The following DERL1 variants were observed in gnomAD, a reference collection of about 807,000 sequenced individuals.
DERL1 encodes the protein derlin 1.
DERL1 carries 24 observed loss-of-function variants against 41.6 expected under a neutral mutation model. The observed-to-expected ratio is 0.58, with a 90% CI of 0.42 to 0.81. The LOEUF (loss-of-function observed/expected upper bound fraction) is 0.81, where lower values mean the gene tolerates loss of function less well. Ranked by LOEUF, DERL1 falls within the 30% of genes least tolerant of loss-of-function variation. DERL1 has a pLI of 0.00. For missense variants in DERL1, 260 were observed against 314.3 expected (o/e 0.83, Z 1.31); for synonymous variants, 124 against 112.5 (o/e 1.10, Z -0.65).
rs146414335 is a variant in DERL1 at position 123,021,492 on chromosome 8, T to C, written c.461A>G (p.Tyr154Cys). Residue 154 changes from tyrosine to cysteine, a missense_variant, in exon 6 of 8, where the codon TAT (tyrosine) becomes TGT (cysteine). Tyr to Cys is a radical substitution (Grantham distance 194). Coordinates refer to ENST00000259512, the MANE Select transcript of DERL1 (RefSeq NM_024295.6). ...GAATCCAAGGATAACCCAGGGTAAA[T>C]AGCAGGCCTAGGATGGAATGAATAT... Reference protein sequence around the residue: ...FWFGTRFKACYLPWVILGFNY... With the variant: ...FWFGTRFKACCLPWVILGFNY... 4.1e-4 allele frequency: 668 copies of C among 1,613,560 alleles called. No homozygotes were observed. Among genetic ancestry groups the C allele is most frequent in the Non-Finnish European group, 5.4e-4 (637 of 1,179,678 alleles).
intron 2 of DERL1, among the ~76,000 whole-genome samples, chr8:123,028,422 G>A (rs1440630494): frequency 6.6e-6 from 1 of 152,212 alleles, no homozygotes; most frequent in Non-Finnish European, 1.5e-5. Flanking sequence ...TACACGGAAA[G>A]TAGATTAGTG....
At chr8:123,022,144 C>A (rs183101026) in intron 5 of DERL1, among the ~76,000 whole-genome samples, 3 of 152,242 alleles carry the variant, frequency 2.0e-5, no homozygotes, top group African/African-American at 7.2e-5. Context: ...TAAAGAGAAA[C>A]ACAAAGTATT....
chr8:123,042,023 T>C lies in DERL1; in HGVS notation c.100A>G (p.Ile34Val), dbSNP rs765222212. Reference sequence around the variant, plus strand: ...CAGAGGAAGAGGTAGGCCGGGCTGATGAGGCCGAGTTTGCCGACCAAGGGC... The same window carrying C: ...CAGAGGAAGAGGTAGGCCGGGCTGACGAGGCCGAGTTTGCCGACCAAGGGC... ...AVPLVGKLGL[I>V]SPAYLFLWPE... The change falls in exon 1 of 8, where the codon ATC (isoleucine) becomes GTC (valine). Residue 34 changes from isoleucine to valine, a missense_variant. Coordinates refer to ENST00000259512, the MANE Select transcript of DERL1 (RefSeq NM_024295.6). 5.0e-6 allele frequency: 8 copies of C among 1,613,912 alleles called. No homozygotes were observed. In the Admixed American group the frequency reaches 8.3e-5, roughly 17 times the overall value.
chr8:123,019,423 T>A, intron 6 of DERL1, 118 bp from the exon 7 acceptor site: 1 of 688,450 alleles, frequency 1.5e-6, no homozygotes, highest in Non-Finnish European at 2.5e-6. Flanking sequence ...TGGGAGTCTG[T>A]GAGAGCTGAC....
At chr8:123,036,277 G>A (rs533903702) in intron 1 of DERL1, among the ~76,000 whole-genome samples, 2 of 152,226 alleles carry the variant, frequency 1.3e-5, no homozygotes, top group South Asian at 2.1e-4. Context: ...ATAAATTGTG[G>A]TATGGTCCCA....
intron 1 of DERL1, among the ~76,000 whole-genome samples, chr8:123,034,506 C>T (rs776824656): frequency 1.1e-4 from 16 of 152,206 alleles, no homozygotes; most frequent in Middle Eastern, 6.8e-3. Flanking sequence ...CTTATTTACA[C>T]GCACTGATTC....
chr8:123,033,399 C>G (rs1471819215), intron 1 of DERL1, among the ~76,000 whole-genome samples: 1 of 152,078 alleles, frequency 6.6e-6, no homozygotes, highest in African/African-American at 2.4e-5. Flanking sequence ...CTCTTTCTAC[C>G]TTTTTATACT....
At chr8:123,021,528 G>C in intron 5 of DERL1, 29 bp from the exon 6 acceptor site, 1 of 1,601,882 alleles carries the variant, frequency 6.2e-7, no homozygotes, top group Admixed American at 1.7e-5. Flanking sequence ...ATGCAAATGT[G>C]AGTAGCCACA....
intron 5 of DERL1, 116 bp downstream of exon 5, chr8:123,022,568 A>G: frequency 1.1e-6 from 1 of 942,284 alleles, no homozygotes; most frequent in Non-Finnish European, 1.7e-6. Context: ...GGGCTTGCCT[A>G]TGGTACACTG....
At chr8:123,021,544 C>CGAGGACACA (rs757318298) in intron 5 of DERL1, 45 bp from the exon 6 acceptor site, 3 of 1,547,520 alleles carry the variant, frequency 1.9e-6, no homozygotes, top group Non-Finnish European at 2.7e-6. Context: ...CCACACCTGA[C>CGAGGACACA]GAGGACACAG....
intron 1 of DERL1, among the ~76,000 whole-genome samples, chr8:123,033,731 G>A (rs1349239912): frequency 1.3e-5 from 2 of 152,178 alleles, no homozygotes; most frequent in Non-Finnish European, 2.9e-5. Context: ...CAACAAGAGC[G>A]AAACTATGTC....
Position 123,015,369 on chromosome 8 carries a change from C to T in DERL1, c.*78G>A. On this transcript the variant is annotated 3_prime_UTR_variant, in exon 8 of 8. Coordinates refer to ENST00000259512, the MANE Select transcript of DERL1 (RefSeq NM_024295.6). ...TGTGGGTCAGGTCCAACAGTGTTAG[C>T]CAGAACGCAGTTGTTAAGTGCACCC... The T allele has an allele frequency of 6.4e-7, 1 of 1,551,072 alleles. No homozygotes were observed.
chr8:123,020,948 A>G (rs1814746933), intron 6 of DERL1, among the ~76,000 whole-genome samples: 2 of 151,834 alleles, frequency 1.3e-5, no homozygotes, highest in Middle Eastern at 3.4e-3. Context: ...CCTGGGCAAC[A>G]AAAGTGAAAC....
chr8:123,025,197 A>G (rs780403759), intron 2 of DERL1, 147 bp from the exon 3 acceptor site: 2 of 739,814 alleles, frequency 2.7e-6, no homozygotes, highest in Non-Finnish European at 4.3e-6. Flanking sequence ...GAATTTTTAA[A>G]AATATCTAAA....
At chr8:123,019,355 A>G (rs750581902) in intron 6 of DERL1, 50 bp from the exon 7 acceptor site, 2 of 1,331,398 alleles carry the variant, frequency 1.5e-6, no homozygotes, top group South Asian at 1.2e-5. Flanking sequence ...ATAGAGATGC[A>G]CCAAGTTTTA....
chr8:123,039,420 ACC>A (rs1812997731), intron 1 of DERL1, among the ~76,000 whole-genome samples: 2 of 152,134 alleles, frequency 1.3e-5, no homozygotes, highest in Admixed American at 1.3e-4. Flanking sequence ...GCTTTACTAC[ACC>A]CAGCCCTGGC....
chr8:123,036,143 T>C (rs1451289754), intron 1 of DERL1, among the ~76,000 whole-genome samples: 2 of 152,214 alleles, frequency 1.3e-5, no homozygotes, highest in Non-Finnish European at 2.9e-5. Flanking sequence ...CAGAAATTAC[T>C]ATTTCTCCTC....
chr8:123,037,367 CCT>C (rs770114844), intron 1 of DERL1, among the ~76,000 whole-genome samples: 2 of 152,148 alleles, frequency 1.3e-5, no homozygotes, highest in African/African-American at 2.4e-5. Flanking sequence ...TTTCTACTCC[CCT>C]GTCCCCCAAA....
rs1814539983 is a variant in DERL1, at chr8:123,015,490, C to T, written c.713G>A (p.Gly238Glu). 1.2e-6 allele frequency: 2 copies of T among 1,613,616 alleles called. No homozygotes were observed. The highest frequency in any genetic ancestry group is 1.7e-6 in the Non-Finnish European group (2 of 1,179,802). Residue 238 changes from glycine to glutamate, a missense_variant, in exon 8 of 8, where the codon GGG becomes GAG. Physicochemically the swap from Gly to Glu is moderately conservative, Grantham distance 98. Transcript: ENST00000259512. ...AAAGCCCTGGCCCCAGTTGTGTCTCCCGCCTCCGCCATTCTGATCAGCAGC... is the reference window on the plus strand; with the variant it reads ...AAAGCCCTGGCCCCAGTTGTGTCTCTCGCCTCCGCCATTCTGATCAGCAGC... ...RRAADQNGGGGRHNWGQGFRL... is the reference protein window; with the variant it reads ...RRAADQNGGGERHNWGQGFRL...
Sources: allele counts gnomAD v4.1 joint callset (sites outside exome capture counted in the v4.1 genomes callset), GRCh38; gene constraint gnomAD v4.1.1; transcripts MANE v1.5; gene names NCBI Gene and HGNC (gene_info 2026-07-23, HGNC 2026-07-21).